Variants in CHSY1 observed in about 807,000 individuals in gnomAD.
CHSY1 encodes chondroitin sulfate synthase 1, also known as N-acetylgalactosaminyl-proteoglycan 3-beta-glucuronosyltransferase 1.
Under a neutral mutation model 59.8 loss-of-function variants are expected in CHSY1, and 13 were observed. The observed-to-expected ratio is 0.22, with a 90% CI of 0.14 to 0.35. The LOEUF is 0.35. Ranked by LOEUF, CHSY1 falls within the 10% of genes least tolerant of loss-of-function variation. CHSY1 has a pLI of 1.00. For missense variants in CHSY1, 947 were observed against 1,030.6 expected (o/e 0.92, Z 1.11); for synonymous variants, 459 against 401.2 (o/e 1.14, Z -1.72).
At position 101,178,198 on chromosome 15, in the gene CHSY1, C is replaced by A. The variant is rs1331050401; in HGVS notation, c.1599G>T (p.Lys533Asn). 1 of 1,614,170 alleles carries A rather than the reference C, an allele frequency of 6.2e-7. No individual in the cohort carries two copies. Among genetic ancestry groups the A allele is most frequent in the Admixed American group, 1.7e-5 (1 of 60,020 alleles). The stretch of plus-strand genomic sequence containing the variant: ...CAGACAAAGGAATCAGTATGTTTAT[C>A]TTTTTATCTTTGGGTTCTTTGTGCT... ...KSEHKEPKDK[K>N]INILIPLSGR... Residue 533 changes from lysine to asparagine, a missense_variant, in exon 3 of 3, where the codon AAG becomes AAT. Lys to Asn is a moderately conservative substitution (Grantham distance 94, BLOSUM62 0). Transcript: ENST00000254190.
chr15:101,242,298 C>A (rs776799506), intron 1 of CHSY1, among the ~76,000 whole-genome samples: 7 of 152,228 alleles, frequency 4.6e-5, no homozygotes, highest in Non-Finnish European at 8.8e-5. Context: ...CTGCCCAGGG[C>A]AAACCCTGAC....
At chr15:101,217,582 A>C (rs536770946) in intron 2 of CHSY1, among the ~76,000 whole-genome samples, 7 of 152,346 alleles carry the variant, frequency 4.6e-5, no homozygotes, top group Admixed American at 4.6e-4. Context: ...AGTGCCAGAA[A>C]GCAAAGAGGT....
At chr15:101,243,379 C>T (rs1213475683) in intron 1 of CHSY1, among the ~76,000 whole-genome samples, 1 of 152,204 alleles carries the variant, frequency 6.6e-6, no homozygotes, top group African/African-American at 2.4e-5. Flanking sequence ...CTTAATGATC[C>T]ACATGAACCA....
intron 2 of CHSY1, among the ~76,000 whole-genome samples, chr15:101,228,492 A>T (rs2141271239): frequency 6.6e-6 from 1 of 152,326 alleles, no homozygotes; most frequent in Non-Finnish European, 1.5e-5. Flanking sequence ...ATGACATACA[A>T]AGGATCCTCA....
At chr15:101,183,203 C>CA (rs1441707842) in intron 2 of CHSY1, among the ~76,000 whole-genome samples, 2 of 151,858 alleles carry the variant, frequency 1.3e-5, no homozygotes, top group African/African-American at 4.8e-5. Flanking sequence ...AAAAAGCACA[C>CA]AGGAGGGAAA....
chr15:101,221,222 G>A (rs551945968), intron 2 of CHSY1, among the ~76,000 whole-genome samples: 73 of 152,286 alleles, frequency 4.8e-4, no homozygotes, highest in African/African-American at 1.7e-3. Flanking sequence ...GGCCGGGTGC[G>A]GTGGCTCACG....
intron 2 of CHSY1, among the ~76,000 whole-genome samples, chr15:101,197,329 T>A (rs975517899): frequency 3.3e-5 from 5 of 152,238 alleles, no homozygotes; most frequent in Admixed American, 1.3e-4. Context: ...TGGTAACTAA[T>A]CACAAGACAC....
chr15:101,248,953 ATT>A (rs565187410), intron 1 of CHSY1, among the ~76,000 whole-genome samples: 6,079 of 111,488 alleles, frequency 0.055, 348 homozygotes, highest in African/African-American at 0.18. Flanking sequence ...AGCCTGGCTA[ATT>A]TTTTTTTTTT....
At chr15:101,228,532 A>T (rs2038863020) in intron 2 of CHSY1, among the ~76,000 whole-genome samples, 1 of 152,202 alleles carries the variant, frequency 6.6e-6, no homozygotes, top group South Asian at 2.1e-4. Context: ...TCTTATCAGA[A>T]ACCATGAAGG....
At chr15:101,194,348 A>G (rs1054776761) in intron 2 of CHSY1, among the ~76,000 whole-genome samples, 4 of 152,378 alleles carry the variant, frequency 2.6e-5, no homozygotes, top group African/African-American at 4.8e-5. Context: ...TTGTGTGTCC[A>G]TGTGTACGCA....
At chr15:101,184,105 C>T (rs140457834) in intron 2 of CHSY1, among the ~76,000 whole-genome samples, 2,506 of 152,316 alleles carry the variant, frequency 0.016, 33 homozygotes, top group East Asian at 0.076. Context: ...CCACGGGAGG[C>T]CTCTACATGA....
chr15:101,230,767 A>G (rs1239529564), intron 2 of CHSY1, among the ~76,000 whole-genome samples: 1 of 152,214 alleles, frequency 6.6e-6, no homozygotes, highest in Non-Finnish European at 1.5e-5. Context: ...ACTGTTTTAT[A>G]TTTAAAATCA....
intron 2 of CHSY1, among the ~76,000 whole-genome samples, chr15:101,228,183 G>A (rs1411971481): frequency 6.6e-6 from 1 of 151,892 alleles, no homozygotes; most frequent in Non-Finnish European, 1.5e-5. Context: ...AAGAATCCAT[G>A]AAACTGAAAG....
chr15:101,243,493 A>G (rs1246670764), intron 1 of CHSY1, among the ~76,000 whole-genome samples: 1 of 152,168 alleles, frequency 6.6e-6, no homozygotes, highest in Non-Finnish European at 1.5e-5. Flanking sequence ...CGTCCTCTAT[A>G]AAGCCCACCT....
intron 2 of CHSY1, among the ~76,000 whole-genome samples, chr15:101,223,332 C>T (rs1187041654): frequency 1.3e-5 from 2 of 152,160 alleles, no homozygotes; most frequent in Non-Finnish European, 2.9e-5. Context: ...TAAATAAATC[C>T]GGAGTTACAG....
chr15:101,185,119 C>T (rs955451074), intron 2 of CHSY1, among the ~76,000 whole-genome samples: 1 of 152,164 alleles, frequency 6.6e-6, no homozygotes, highest in Admixed American at 6.5e-5. Context: ...TCATAAATGG[C>T]TTTGGTGTAG....
chr15:101,193,815 T>C (rs893185509), intron 2 of CHSY1, among the ~76,000 whole-genome samples: 2 of 151,854 alleles, frequency 1.3e-5, no homozygotes, highest in African/African-American at 4.8e-5. Context: ...ACCAGGAGAG[T>C]GTGCATCTTC....
At chr15:101,186,547 T>TA (rs1353998027) in intron 2 of CHSY1, 1 of 152,190 alleles carries the variant, frequency 6.6e-6, no homozygotes, top group African/African-American at 2.4e-5. Context: ...CTCACACCTG[T>TA]AACCTCAGCA....
rs144603147 is a variant in CHSY1, at chr15:101,194,476, T to C, written c.817-15496A>G. On this transcript the variant is annotated intron_variant, in intron 2 of 2. Transcript: ENST00000254190. ...TCAATTGTAATTTCTAAACTAATTT[T>C]AGATCAGAATTACGTAGCCACAACA... 1.1e-3 allele frequency among the ~76,000 whole-genome samples: 175 copies of C among 152,368 alleles called. 2 individuals carry two copies. The East Asian group carries it at 0.028, about 24-fold the overall frequency.
Sources: allele counts gnomAD v4.1 joint callset (sites outside exome capture counted in the v4.1 genomes callset), GRCh38; gene constraint gnomAD v4.1.1; transcripts MANE v1.5; gene names NCBI Gene and HGNC (gene_info 2026-07-23, HGNC 2026-07-21).